Variants in SEMA3A observed in about 807,000 individuals in gnomAD.
SEMA3A encodes semaphorin 3A.
A neutral mutation model predicts 97.9 loss-of-function variants in SEMA3A; 29 were observed. That is an observed-to-expected ratio of 0.30 (90% confidence interval 0.22 to 0.40). SEMA3A has a LOEUF of 0.40. Among genes scored for constraint, SEMA3A ranks in the 10% least tolerant of loss-of-function variants. SEMA3A has a pLI of 1.00. For missense variants in SEMA3A, 763 were observed against 951.3 expected, an observed-to-expected ratio of 0.80 and a Z score of 2.60; for synonymous variants, 321 against 323.7, an observed-to-expected ratio of 0.99 and a Z score of 0.09.
chr7:84,479,436 A>C (rs1236294236), intron 1 of SEMA3A, among the ~76,000 whole-genome samples: 5 of 152,340 alleles, frequency 3.3e-5, no homozygotes, highest in African/African-American at 1.2e-4. Context: ...GTACTTATTG[A>C]ACACCTATTT....
chr7:84,054,688 CCTT>C (rs1356009399), intron 5 of SEMA3A, among the ~76,000 whole-genome samples: 4 of 144,420 alleles, frequency 2.8e-5, no homozygotes, highest in African/African-American at 1.0e-4. Flanking sequence ...TCGTCTGAAG[CCTT>C]CTTCTCTCAG....
At chr7:84,298,357 C>A (rs957659687) in intron 3 of SEMA3A, among the ~76,000 whole-genome samples, 3 of 152,068 alleles carry the variant, frequency 2.0e-5, no homozygotes, top group Middle Eastern at 3.2e-3. Flanking sequence ...AAAGGCATAG[C>A]AGAGAATTAA....
chr7:84,254,472 T>C (rs1050753135), intron 3 of SEMA3A, among the ~76,000 whole-genome samples: 2 of 152,166 alleles, frequency 1.3e-5, no homozygotes, highest in African/African-American at 4.8e-5. Flanking sequence ...GATCTAAAAG[T>C]ATACGTGTTT....
chr7:84,170,729 T>C (rs756429383), intron 1 of SEMA3A, among the ~76,000 whole-genome samples: 8 of 152,058 alleles, frequency 5.3e-5, no homozygotes, highest in Admixed American at 1.3e-4. Flanking sequence ...GTACAATTGA[T>C]CCTCATGAAA....
chr7:84,065,372 G>C lies in SEMA3A; in HGVS notation c.454-4814C>G, dbSNP rs1164421081. 7.0e-5 allele frequency among the ~76,000 whole-genome samples: 10 copies of C among 142,938 alleles called. No individual in the cohort carries two copies. In the East Asian group the frequency reaches 2.0e-3, roughly 29 times the overall value. The allele number at this position is 142,938 out of a possible 152,430, so 93.8% of individuals were successfully genotyped here. ...ACAATTAAAAGAACTAGAAAAGCAAGAGCAAACACATTCAAAAGCTAGCAG... is the reference window on the plus strand; with the variant it reads ...ACAATTAAAAGAACTAGAAAAGCAACAGCAAACACATTCAAAAGCTAGCAG... On this transcript the variant is annotated intron_variant, in intron 4 of 16. Transcript: ENST00000265362.
intron 2 of SEMA3A, among the ~76,000 whole-genome samples, chr7:84,337,926 C>A (rs1329990046): frequency 6.6e-6 from 1 of 151,948 alleles, no homozygotes; most frequent in African/African-American, 2.4e-5. Context: ...GAGAACATTA[C>A]AAATACAAGT....
At chr7:84,482,872 T>TC (rs1316005317) in intron 1 of SEMA3A, among the ~76,000 whole-genome samples, 4 of 151,852 alleles carry the variant, frequency 2.6e-5, no homozygotes, top group Non-Finnish European at 5.9e-5. Context: ...TAGTTTTTTT[T>TC]TTTTTTTGGA....
chr7:84,417,520 C>T (rs1330175928), intron 1 of SEMA3A, among the ~76,000 whole-genome samples: 1 of 152,022 alleles, frequency 6.6e-6, no homozygotes, highest in Non-Finnish European at 1.5e-5. Context: ...CAATGACAAA[C>T]TTATTCTCAC....
chr7:84,402,905 G>A (rs1420552915), intron 1 of SEMA3A, among the ~76,000 whole-genome samples: 5 of 152,156 alleles, frequency 3.3e-5, no homozygotes, highest in African/African-American at 9.7e-5. Context: ...GGTGAGGCCA[G>A]GAAGGGTAGT....
intron 15 of SEMA3A, among the ~76,000 whole-genome samples, chr7:83,966,917 G>T (rs1337763243): frequency 1.3e-5 from 2 of 151,904 alleles, no homozygotes; most frequent in African/African-American, 4.8e-5. Flanking sequence ...CTCCATGTTG[G>T]TTAGGCTGGT....
intron 2 of SEMA3A, among the ~76,000 whole-genome samples, chr7:84,310,084 C>T (rs570456531): frequency 1.3e-4 from 20 of 152,050 alleles, no homozygotes; most frequent in Non-Finnish European, 2.6e-4. Context: ...TTAAAATAGC[C>T]TAATTATACA....
At chr7:84,327,431 G>T (rs1282288145) in intron 2 of SEMA3A, among the ~76,000 whole-genome samples, 1 of 151,684 alleles carries the variant, frequency 6.6e-6, no homozygotes, top group African/African-American at 2.4e-5. Context: ...AGAAAGAAAA[G>T]CAGGTAGGCA....
At chr7:84,102,789 C>T (rs7808859) in intron 4 of SEMA3A, among the ~76,000 whole-genome samples, 64,019 of 151,208 alleles carry the variant, frequency 0.42, 14,718 homozygotes, top group Admixed American at 0.52. Flanking sequence ...CCATGTTGGC[C>T]AGGCTGGTCT....
chr7:84,318,720 T>G (rs1801575510), intron 2 of SEMA3A, among the ~76,000 whole-genome samples: 1 of 152,180 alleles, frequency 6.6e-6, no homozygotes, highest in African/African-American at 2.4e-5. Flanking sequence ...CTCAATAATA[T>G]TTTTCAACAG....
chr7:84,319,214 G>T (rs1019892553), intron 2 of SEMA3A, among the ~76,000 whole-genome samples: 11 of 152,126 alleles, frequency 7.2e-5, no homozygotes, highest in African/African-American at 2.7e-4. Context: ...AAAAGATTCA[G>T]ATCTTAATTA....
chr7:84,335,285 T>C (rs1233079486), intron 2 of SEMA3A, among the ~76,000 whole-genome samples: 1 of 152,160 alleles, frequency 6.6e-6, no homozygotes, highest in African/African-American at 2.4e-5. Context: ...ACTACTTTTA[T>C]AACAAAAAAC....
rs567335565 is a variant in SEMA3A at position 84,150,881 on chromosome 7, A to G, written c.113-15930T>C. On this transcript the variant is annotated intron_variant, in intron 1 of 16. Coordinates refer to ENST00000265362, the MANE Select transcript of SEMA3A (RefSeq NM_006080.3). ...GAGAGCAGTGGTTCTCCCAGCACGCAGCTGGAGATCTGAGAACGGGCAGAC... is the reference window on the plus strand; with the variant it reads ...GAGAGCAGTGGTTCTCCCAGCACGCGGCTGGAGATCTGAGAACGGGCAGAC... Among the ~76,000 whole-genome samples the G allele has an allele frequency of 1.3e-3, 201 of 151,224 alleles. 5 individuals are homozygous for G. The South Asian group carries it at 0.036, about 27-fold the overall frequency.
At chr7:84,223,795 T>C (rs1377962752) in intron 3 of SEMA3A, among the ~76,000 whole-genome samples, 1 of 151,764 alleles carries the variant, frequency 6.6e-6, no homozygotes, top group Non-Finnish European at 1.5e-5. Flanking sequence ...TAAGATGATA[T>C]CATAGTTTAG....
intron 3 of SEMA3A, among the ~76,000 whole-genome samples, chr7:84,230,365 A>G (rs1042922498): frequency 6.6e-6 from 1 of 152,014 alleles, no homozygotes; most frequent in Non-Finnish European, 1.5e-5. Context: ...TCTGTTGCCT[A>G]TAACTCTCTT....
Sources: gnomAD v4.1 joint callset for allele counts (sites outside exome capture counted in the v4.1 genomes callset) on GRCh38, gnomAD v4.1.1 for gene constraint, MANE v1.5 for transcripts, NCBI Gene and HGNC (gene_info 2026-07-23, HGNC 2026-07-21) for gene names.